Variants in SUMF1 observed in about 807,000 individuals in gnomAD.
SUMF1 encodes formylglycine-generating enzyme.
In SUMF1, 48 loss-of-function variants were observed where a neutral mutation model predicts 47.6. That is an observed-to-expected ratio of 1.01 (90% CI 0.80 to 1.28). SUMF1 has a LOEUF of 1.28. Ranked by LOEUF, SUMF1 falls within the 50% of genes most tolerant of loss-of-function variation. The pLI, the probability that SUMF1 is intolerant of heterozygous loss-of-function variation, is 0.00. For missense variants in SUMF1, 571 were observed against 485.4 expected, an observed-to-expected ratio of 1.18 and a Z score of -1.66; for synonymous variants, 230 against 192.1, an observed-to-expected ratio of 1.20 and a Z score of -1.63.
chr3:4,295,588 G>C (rs971485108), intron 8 of SUMF1, among the ~76,000 whole-genome samples: 2 of 152,108 alleles, frequency 1.3e-5, no homozygotes, highest in African/African-American at 2.4e-5. Flanking sequence ...TGCAAACAAA[G>C]CAAGTCTGCT....
At chr3:4,073,368 C>A (rs1449311189) in intron 8 of SUMF1, among the ~76,000 whole-genome samples, 5 of 152,150 alleles carry the variant, frequency 3.3e-5, no homozygotes, top group African/African-American at 9.7e-5. Flanking sequence ...CTGGTACCAG[C>A]CACTGCAAAA....
At chr3:4,313,671 G>C (rs767080676) in intron 8 of SUMF1, 2 of 1,614,000 alleles carry the variant, frequency 1.2e-6, no homozygotes, top group Admixed American at 1.7e-5. Flanking sequence ...CCGTAGAAAA[G>C]TCGAACATCA....
chr3:4,224,848 C>T (rs313689), intron 8 of SUMF1, among the ~76,000 whole-genome samples: 34,683 of 151,940 alleles, frequency 0.23, 5,476 homozygotes, highest in African/African-American at 0.44. Context: ...GGGAAAAAAC[C>T]CTGGTGAAGT....
At chr3:4,075,779 A>C (rs759098541) in intron 8 of SUMF1, among the ~76,000 whole-genome samples, 1 of 152,108 alleles carries the variant, frequency 6.6e-6, no homozygotes, top group Non-Finnish European at 1.5e-5. Context: ...TCCAACTTAC[A>C]AGGAATGTGA....
chr3:4,168,791 T>C (rs1215220589), intron 8 of SUMF1, among the ~76,000 whole-genome samples: 1 of 152,198 alleles, frequency 6.6e-6, no homozygotes, highest in Admixed American at 6.5e-5. Context: ...ATGAGATACA[T>C]GTGAAGCACT....
chr3:4,441,071 C>T, intron 3 of SUMF1, among the ~76,000 whole-genome samples: 1 of 152,158 alleles, frequency 6.6e-6, no homozygotes, highest in Non-Finnish European at 1.5e-5. Context: ...CTATTGGGAA[C>T]CGGGCCAAAC....
At chr3:4,217,522 A>AT (rs373829983) in intron 8 of SUMF1, among the ~76,000 whole-genome samples, 1 of 72,240 alleles carries the variant, frequency 1.4e-5, no homozygotes, top group African/African-American at 6.0e-5. Context: ...TTTTATATAT[A>AT]TATATATATA....
At chr3:4,359,112 T>C (rs963407379), downstream of SUMF1, among the ~76,000 whole-genome samples, 3 of 152,212 alleles carry the variant, frequency 2.0e-5, no homozygotes, top group African/African-American at 7.2e-5. Flanking sequence ...ACTACACCTA[T>C]GGCATTCAAA....
chr3:4,120,778 C>T (rs1217497398), intron 8 of SUMF1, among the ~76,000 whole-genome samples: 1 of 152,130 alleles, frequency 6.6e-6, no homozygotes, highest in African/African-American at 2.4e-5. Context: ...ACAAGACCCC[C>T]AACTTGAGGT....
At chr3:4,130,911 C>A (rs1693773270) in intron 8 of SUMF1, among the ~76,000 whole-genome samples, 1 of 152,114 alleles carries the variant, frequency 6.6e-6, no homozygotes, top group Admixed American at 6.6e-5. Context: ...CCATATGACC[C>A]AACAGATCCA....
intron 8 of SUMF1, among the ~76,000 whole-genome samples, chr3:4,237,246 C>T (rs1019228845): frequency 6.6e-6 from 1 of 152,090 alleles, no homozygotes; most frequent in Non-Finnish European, 1.5e-5. Context: ...GCATTTCTAC[C>T]AGCAGTGAAG....
chr3:4,262,497 T>A (rs897836391), intron 8 of SUMF1, among the ~76,000 whole-genome samples: 1 of 152,130 alleles, frequency 6.6e-6, no homozygotes, highest in Non-Finnish European at 1.5e-5. Flanking sequence ...GGTGCCAAAT[T>A]CTGGCATGGC....
At chr3:4,282,460 C>A (rs1052926580) in intron 8 of SUMF1, among the ~76,000 whole-genome samples, 1 of 152,126 alleles carries the variant, frequency 6.6e-6, no homozygotes, top group Non-Finnish European at 1.5e-5. Flanking sequence ...TCACACATAC[C>A]TTCTACAATT....
At position 4,307,604 on chromosome 3, in the gene SUMF1, A is replaced by G. The variant is rs114506948; in HGVS notation, c.1014+68726T>C. On this transcript the variant is annotated intron_variant and NMD_transcript_variant, in intron 8 of 12. Transcript: ENST00000448413. ...GTCAAAAAACTTGAAATCTTCACCC[A>G]GTGCTTCAAGGATCTGATTTCCAGT... Among the ~76,000 whole-genome samples, 1,501 of 152,308 alleles carry G rather than the reference A, an allele frequency of 9.9e-3. 16 individuals carry two copies. Among genetic ancestry groups the G allele is most frequent in the African/African-American group, 0.033 (1,364 of 41,560 alleles).
At chr3:4,187,744 T>C (rs1028338209) in intron 8 of SUMF1, among the ~76,000 whole-genome samples, 3 of 152,222 alleles carry the variant, frequency 2.0e-5, no homozygotes, top group Non-Finnish European at 2.9e-5. Context: ...GTGTCAATAA[T>C]AATTGAAACC....
intron 8 of SUMF1, among the ~76,000 whole-genome samples, chr3:4,171,319 A>G (rs1309254031): frequency 3.3e-5 from 5 of 152,172 alleles, no homozygotes; most frequent in Non-Finnish European, 7.4e-5. Flanking sequence ...GTCAGCACAC[A>G]TGAGTCTATA....
chr3:4,136,702 A>T (rs1177256313), intron 8 of SUMF1, among the ~76,000 whole-genome samples: 1 of 148,822 alleles, frequency 6.7e-6, no homozygotes, highest in Non-Finnish European at 1.5e-5. Context: ...ACATGGGAGA[A>T]AATTTTTGCA....
chr3:4,422,634 C>T (rs111612999), intron 3 of SUMF1, among the ~76,000 whole-genome samples: 1 of 151,916 alleles, frequency 6.6e-6, no homozygotes, highest in Non-Finnish European at 1.5e-5. Flanking sequence ...AATATATGTA[C>T]GCATTTCTGC....
intron 8 of SUMF1, among the ~76,000 whole-genome samples, chr3:4,281,763 A>G (rs921559756): frequency 6.6e-6 from 1 of 152,224 alleles, no homozygotes; most frequent in African/African-American, 2.4e-5. Flanking sequence ...ATAAACCAAT[A>G]AAAGTTATTA....
Sources: allele counts gnomAD v4.1 joint callset (sites outside exome capture counted in the v4.1 genomes callset), GRCh38; gene constraint gnomAD v4.1.1; transcripts MANE v1.5; gene names NCBI Gene and HGNC (gene_info 2026-07-23, HGNC 2026-07-21).